Variants in NEK7 observed in about 807,000 individuals in gnomAD.
NEK7 encodes the protein NIMA related kinase 7.
Under a neutral mutation model 44.6 loss-of-function variants are expected in NEK7, and 18 were observed. The observed-to-expected ratio is 0.40, with a 90% CI of 0.28 to 0.60. The LOEUF is 0.60. Ranked by LOEUF, NEK7 falls within the 20% of genes least tolerant of loss-of-function variation. The pLI is 0.38. For missense variants in NEK7, 256 were observed against 366.5 expected, an observed-to-expected ratio of 0.70 and a Z score of 2.46; for synonymous variants, 130 against 121.1, an observed-to-expected ratio of 1.07 and a Z score of -0.48.
intron 5 of NEK7, among the ~76,000 whole-genome samples, chr1:198,275,828 G>T: frequency 6.7e-6 from 1 of 149,916 alleles, no homozygotes; most frequent in South Asian, 2.1e-4. Context: ...TTAAGTGTTG[G>T]TTTTCTCAAA....
intron 5 of NEK7, 123 bp downstream of exon 5, chr1:198,264,358 T>C (rs1653579833): frequency 1.5e-6 from 1 of 655,054 alleles, no homozygotes; most frequent in Non-Finnish European, 2.6e-6. Context: ...GCTTATCTGA[T>C]AGATATGTAA....
At chr1:198,240,425 G>A (rs573995888) in intron 2 of NEK7, among the ~76,000 whole-genome samples, 19 of 151,910 alleles carry the variant, frequency 1.3e-4, no homozygotes, top group Admixed American at 2.6e-4. Flanking sequence ...ATGAGGATGA[G>A]GCTGATTAAT....
At chr1:198,157,718 G>A (rs541110421) in intron 1 of NEK7, among the ~76,000 whole-genome samples, 1 of 152,356 alleles carries the variant, frequency 6.6e-6, no homozygotes, top group Non-Finnish European at 1.5e-5. Flanking sequence ...GCCCGACTTA[G>A]GAAAGTGAAG....
intron 2 of NEK7, among the ~76,000 whole-genome samples, chr1:198,242,975 G>A (rs1666733002): frequency 6.6e-6 from 1 of 151,866 alleles, no homozygotes; most frequent in African/African-American, 2.4e-5. Context: ...AGAGTGCTCA[G>A]TGCTTACCTC....
intron 3 of NEK7, among the ~76,000 whole-genome samples, chr1:198,262,350 G>T (rs577658822): frequency 1.3e-5 from 2 of 151,924 alleles, no homozygotes; most frequent in African/African-American, 4.8e-5. Context: ...GTGTTAAGGG[G>T]TATCTACCTG....
intron 1 of NEK7, among the ~76,000 whole-genome samples, chr1:198,193,405 A>G (rs188184277): frequency 6.6e-6 from 1 of 152,284 alleles, no homozygotes; most frequent in East Asian, 1.9e-4. Flanking sequence ...TACCATTTCT[A>G]CTGAAACTAT....
At chr1:198,197,897 A>G (rs1426792590) in intron 1 of NEK7, 1 of 1,152,398 alleles carries the variant, frequency 8.7e-7, no homozygotes, top group South Asian at 1.3e-5. Context: ...TATCACTCCT[A>G]GTCCGAACAT....
chr1:198,296,729 C>T (rs1654726527), intron 8 of NEK7, among the ~76,000 whole-genome samples: 1 of 152,098 alleles, frequency 6.6e-6, no homozygotes, highest in African/African-American at 2.4e-5. Flanking sequence ...GTTTTAACTT[C>T]AGTTTCATGT....
At chr1:198,188,935 C>T (rs1308580984) in intron 1 of NEK7, among the ~76,000 whole-genome samples, 1 of 152,090 alleles carries the variant, frequency 6.6e-6, no homozygotes, top group East Asian at 1.9e-4. Flanking sequence ...GTTGTGCAAC[C>T]AGGCATTGAA....
At chr1:198,278,924 C>A in intron 6 of NEK7, 30 bp from the exon 7 acceptor site, 2 of 1,218,222 alleles carry the variant, frequency 1.6e-6, no homozygotes, top group Non-Finnish European at 2.4e-6. Flanking sequence ...TGTCTATCAT[C>A]TTTTACCTGA....
chr1:198,219,204 G>C (rs546018327), intron 1 of NEK7, among the ~76,000 whole-genome samples: 5 of 150,968 alleles, frequency 3.3e-5, no homozygotes, highest in African/African-American at 1.2e-4. Flanking sequence ...ATTGGTGTGT[G>C]TGTGTATATA....
intron 9 of NEK7, among the ~76,000 whole-genome samples, chr1:198,302,659 T>G (rs1464842919): frequency 1.3e-5 from 2 of 152,200 alleles, no homozygotes; most frequent in Non-Finnish European, 2.9e-5. Context: ...TATAGGTTAT[T>G]GGAGAGTATA....
At chr1:198,219,106 C>T (rs1051073007) in intron 1 of NEK7, among the ~76,000 whole-genome samples, 4 of 151,628 alleles carry the variant, frequency 2.6e-5, no homozygotes, top group Non-Finnish European at 5.9e-5. Context: ...AACGCTTGCA[C>T]GTGTATGTTT....
At chr1:198,312,310 C>G (rs1169203567) in intron 9 of NEK7, among the ~76,000 whole-genome samples, 2 of 150,496 alleles carry the variant, frequency 1.3e-5, no homozygotes, top group Non-Finnish European at 2.9e-5. Flanking sequence ...TTTATTGCAT[C>G]TATTTGATTC....
At chr1:198,313,142 A>T (rs997575041) in intron 9 of NEK7, among the ~76,000 whole-genome samples, 1 of 152,122 alleles carries the variant, frequency 6.6e-6, no homozygotes, top group Non-Finnish European at 1.5e-5. Context: ...GTGCATATAT[A>T]TTTGGAATAG....
chr1:198,192,524 A>G (rs1665110340), intron 1 of NEK7, among the ~76,000 whole-genome samples: 1 of 152,100 alleles, frequency 6.6e-6, no homozygotes, highest in Non-Finnish European at 1.5e-5. Context: ...GGTATTTACC[A>G]GCTGAAGTGG....
At chr1:198,171,142 G>A (rs1664426679) in intron 1 of NEK7, among the ~76,000 whole-genome samples, 1 of 152,138 alleles carries the variant, frequency 6.6e-6, no homozygotes, top group Non-Finnish European at 1.5e-5. Flanking sequence ...TCATACTTCA[G>A]TGAGACTACA....
At chr1:198,202,996 A>G (rs1045086246) in intron 1 of NEK7, among the ~76,000 whole-genome samples, 1 of 149,532 alleles carries the variant, frequency 6.7e-6, no homozygotes, top group Admixed American at 6.7e-5. Flanking sequence ...TTTTCAGGCT[A>G]GAATTGACAT....
chr1:198,274,856 G>A (rs1177760094), intron 5 of NEK7, among the ~76,000 whole-genome samples: 3 of 151,654 alleles, frequency 2.0e-5, no homozygotes, highest in Non-Finnish European at 4.4e-5. Context: ...CTATTAAGAT[G>A]TGACTATTTT....
Sources: allele counts gnomAD v4.1 joint callset (sites outside exome capture counted in the v4.1 genomes callset), GRCh38; gene constraint gnomAD v4.1.1; transcripts MANE v1.5; gene names NCBI Gene and HGNC (gene_info 2026-07-23, HGNC 2026-07-21).